The following VDAC2 variants were observed in gnomAD, a reference collection of about 807,000 sequenced individuals.
The protein encoded by VDAC2 is non-selective voltage-gated ion channel VDAC2.
In VDAC2, 6 loss-of-function variants were observed where a neutral mutation model predicts 36.6. That is an observed-to-expected ratio of 0.16 (90% CI 0.09 to 0.32). VDAC2 has a LOEUF of 0.32. Among genes scored for constraint, VDAC2 ranks in the 10% least tolerant of loss-of-function variants. The pLI, the probability that VDAC2 is intolerant of heterozygous loss-of-function variation, is 1.00. For missense variants in VDAC2, 247 were observed against 346.0 expected (o/e 0.71, Z 2.27); for synonymous variants, 109 against 123.8 (o/e 0.88, Z 0.79).
chr10:75,212,346 T>A, intron 3 of VDAC2, 48 bp downstream of exon 3: 2 of 1,519,530 alleles, frequency 1.3e-6, no homozygotes, highest in Non-Finnish European at 1.8e-6. Context: ...TGAAAATGTA[T>A]GTTTGGGTTG....
chr10:75,226,220 T>C (rs1001971331), intron 8 of VDAC2, among the ~76,000 whole-genome samples: 6 of 152,052 alleles, frequency 3.9e-5, no homozygotes, highest in Non-Finnish European at 7.4e-5. Flanking sequence ...TTGACAGATA[T>C]ATGGACCTTT....
At chr10:75,211,233 C>G in intron 2 of VDAC2, 44 bp downstream of exon 2, 1 of 1,603,510 alleles carries the variant, frequency 6.2e-7, no homozygotes, top group Admixed American at 1.7e-5. Context: ...GGCGGAGAGT[C>G]GAAGCCTGTC....
chr10:75,229,662 A>G lies in VDAC2; in HGVS notation c.754A>G (p.Ser252Gly). ...ATTTTAGGCAAAAGTCAACAACTCT[A>G]GCTTAATTGGAGTAGGCTATACTCA... ...ASISAKVNNS[S>G]LIGVGYTQTL... The change falls in exon 9 of 10, where the codon AGC becomes GGC. Residue 252 changes from serine (S) to glycine (G), a missense_variant. This residue lies in a region of VDAC2 where 159 missense variants were observed against 234.0 expected (regional missense o/e 0.68). Coordinates refer to ENST00000332211, the MANE Select transcript of VDAC2 (RefSeq NM_001391963.1). 1.2e-6 allele frequency: 2 copies of G among 1,607,014 alleles called. No homozygotes were observed. Among genetic ancestry groups the G allele is most frequent in the Non-Finnish European group, 1.7e-6 (2 of 1,177,946 alleles).
chr10:75,223,812 A>G (rs1224215230), intron 8 of VDAC2, among the ~76,000 whole-genome samples: 1 of 152,040 alleles, frequency 6.6e-6, no homozygotes, highest in Admixed American at 6.6e-5. Flanking sequence ...ACCAATGGCT[A>G]GTGGTTTAAT....
At chr10:75,213,877 T>A (rs1564709383) in intron 3 of VDAC2, 144 bp from the exon 4 acceptor site, 2 of 724,296 alleles carry the variant, frequency 2.8e-6, no homozygotes, top group Non-Finnish European at 2.2e-6. Flanking sequence ...TTGTAACAAT[T>A]TCATTTAAAT....
At chr10:75,213,696 A>C (rs1211926514) in intron 3 of VDAC2, among the ~76,000 whole-genome samples, 1 of 152,156 alleles carries the variant, frequency 6.6e-6, no homozygotes, top group African/African-American at 2.4e-5. Flanking sequence ...GTGAGCTGAG[A>C]TCGTGCCACT....
chr10:75,225,053 C>T (rs1373751837), intron 8 of VDAC2, among the ~76,000 whole-genome samples: 1 of 152,184 alleles, frequency 6.6e-6, no homozygotes, highest in Non-Finnish European at 1.5e-5. Context: ...ATTAAACTCC[C>T]TTGTGTAAAT....
At chr10:75,227,262 G>C (rs550535150) in intron 8 of VDAC2, among the ~76,000 whole-genome samples, 16 of 152,302 alleles carry the variant, frequency 1.1e-4, no homozygotes, top group African/African-American at 3.6e-4. Flanking sequence ...GGGGTTGTGG[G>C]AACCCCAGTT....
At chr10:75,217,178 G>A (rs1841631677) in intron 4 of VDAC2, among the ~76,000 whole-genome samples, 1 of 152,100 alleles carries the variant, frequency 6.6e-6, no homozygotes, top group Non-Finnish European at 1.5e-5. Context: ...GATCGCTTGA[G>A]CCCAGGAGTT....
chr10:75,226,019 C>T (rs1187854442), intron 8 of VDAC2, among the ~76,000 whole-genome samples: 2 of 152,092 alleles, frequency 1.3e-5, no homozygotes, highest in Non-Finnish European at 2.9e-5. Context: ...TCTCAAACTC[C>T]TGACCTCTGG....
intron 3 of VDAC2, among the ~76,000 whole-genome samples, chr10:75,213,504 G>A (rs1461930052): frequency 6.6e-6 from 1 of 152,138 alleles, no homozygotes; most frequent in Non-Finnish European, 1.5e-5. Context: ...CAGCACTTTG[G>A]GAGGCCGAGG....
At chr10:75,228,457 C>T (rs1488372846) in intron 8 of VDAC2, among the ~76,000 whole-genome samples, 3 of 151,370 alleles carry the variant, frequency 2.0e-5, no homozygotes. Flanking sequence ...GGGGTCTCAC[C>T]GTGTTGCCCA....
At position 75,214,068 on chromosome 10, in the gene VDAC2, G is replaced by A. The variant is rs200130063; in HGVS notation, c.148G>A (p.Val50Met). 9 of 1,612,882 alleles carry A rather than the reference G, an allele frequency of 5.6e-6. No individual in the cohort carries two copies. The highest frequency in any genetic ancestry group is 5.0e-5 in the Admixed American group (3 of 60,002). ...TGTGAAAACAAAGTCTTGCAGTGGC[G>A]TGGTGAGTGTTACTGTTGAATAAGT... ...LDVKTKSCSG[V>M]EFSTSGSSNT... The change falls in exon 4 of 10, where the codon GTG becomes ATG. Residue 50 changes from valine to methionine, a missense_variant and splice_region_variant. Coordinates refer to ENST00000332211, the MANE Select transcript of VDAC2 (RefSeq NM_001391963.1).
chr10:75,218,002 C>T lies in VDAC2; in HGVS notation c.151-1061C>T, dbSNP rs1052262303. ...ACTCAGGAGGCTGAGGTACGTGGATCACTTGAGCCTGGGAGGTTGAGGCTG... is the reference window on the plus strand; with the variant it reads ...ACTCAGGAGGCTGAGGTACGTGGATTACTTGAGCCTGGGAGGTTGAGGCTG... On this transcript the variant is annotated intron_variant, in intron 4 of 9. Transcript: ENST00000332211. 5 of 1,203,266 alleles carry T rather than the reference C, an allele frequency of 4.2e-6. No homozygotes were observed. The Admixed American group carries it at 1.2e-4, about 28-fold the overall frequency. The allele number at this position is 1,203,266 out of a possible 1,614,324, so 74.5% of individuals were successfully genotyped here.
intron 9 of VDAC2, among the ~76,000 whole-genome samples, 178 bp from the exon 10 acceptor site, chr10:75,230,720 G>A (rs1234886455): frequency 6.6e-6 from 1 of 152,210 alleles, no homozygotes; most frequent in Non-Finnish European, 1.5e-5. Context: ...TGGTAACCCA[G>A]TTCTTCTGGT....
chr10:75,222,853 A>G (rs1367835354), intron 8 of VDAC2, among the ~76,000 whole-genome samples: 1 of 151,716 alleles, frequency 6.6e-6, no homozygotes, highest in Non-Finnish European at 1.5e-5. Context: ...TTTTGTAGAG[A>G]TGGGATCTCC....
At chr10:75,226,445 T>C (rs902769302) in intron 8 of VDAC2, among the ~76,000 whole-genome samples, 1 of 145,396 alleles carries the variant, frequency 6.9e-6, no homozygotes, top group African/African-American at 2.6e-5. Context: ...AGACAGTCTT[T>C]TGTGGGTTTT....
At chr10:75,220,240 G>C (rs2132267450) in intron 6 of VDAC2, among the ~76,000 whole-genome samples, 1 of 152,228 alleles carries the variant, frequency 6.6e-6, no homozygotes, top group African/African-American at 2.4e-5. Flanking sequence ...TGAGTAGCTG[G>C]GATTACAGGC....
chr10:75,219,616 C>T (rs2132265979), intron 6 of VDAC2, among the ~76,000 whole-genome samples: 1 of 152,106 alleles, frequency 6.6e-6, no homozygotes, highest in South Asian at 2.1e-4. Flanking sequence ...CCCTGAGTAG[C>T]TGGGACTACA....
Sources: allele counts gnomAD v4.1 joint callset (sites outside exome capture counted in the v4.1 genomes callset), GRCh38; gene constraint gnomAD v4.1.1; regional missense constraint gnomAD v4.1.1; transcripts MANE v1.5; gene names NCBI Gene and HGNC (gene_info 2026-07-23, HGNC 2026-07-21).